The following UGT1A6 variants were observed in gnomAD, a reference collection of about 807,000 sequenced individuals.
UGT1A6 encodes the protein UDP-glucuronosyltransferase 1A6.
A neutral mutation model predicts 44.4 loss-of-function variants in UGT1A6; 32 were observed. That is an observed-to-expected ratio of 0.72 (90% CI 0.54 to 0.97). UGT1A6 has a LOEUF of 0.97. Among genes scored for constraint, UGT1A6 ranks in the 50% least tolerant of loss-of-function variants. The probability of loss-of-function intolerance (pLI) is 0.00; values close to 1 mark genes in which losing one functional copy is unlikely to be tolerated. For missense variants in UGT1A6, 685 were observed against 661.9 expected (o/e 1.03, Z -0.38); for synonymous variants, 238 against 248.5 (o/e 0.96, Z 0.40).
At position 233,743,506 on chromosome 2, in the gene UGT1A6, G is replaced by A. The variant is rs185061073; in HGVS notation, c.862-23528G>A. ...ACTGAAGGCAGAGAAAAGGGGTGCA[G>A]ACGCTCTGCTTCTGCTTCCCCAGCA... On this transcript the variant is annotated intron_variant, in intron 1 of 4. Transcript: ENST00000305139. 5.9e-6 allele frequency: 8 copies of A among 1,367,240 alleles called. No individual in the cohort carries two copies. The Admixed American group carries it at 1.1e-4, about 20-fold the overall frequency. The allele number at this position is 1,367,240 out of a possible 1,614,324, so 84.7% of individuals were successfully genotyped here. A position where few individuals can be genotyped will look rare whatever the true frequency, so the allele number is the denominator to read the frequency against.
At chr2:233,702,416 C>A (rs186724566) in intron 1 of UGT1A6, among the ~76,000 whole-genome samples, 2 of 152,028 alleles carry the variant, frequency 1.3e-5, no homozygotes, top group African/African-American at 4.8e-5. Context: ...ATAGAGATAG[C>A]GTTACTTCTT....
chr2:233,757,331 A>T (rs1696493214), intron 1 of UGT1A6, among the ~76,000 whole-genome samples: 1 of 150,806 alleles, frequency 6.6e-6, no homozygotes, highest in Non-Finnish European at 1.5e-5. Context: ...CTGAAATGGG[A>T]CCATGACAGC....
rs200752387 is a variant in UGT1A6, at chr2:233,752,746, A to AAAACAAAC, written c.862-14269_862-14262dup. On this transcript the variant is annotated intron_variant, in intron 1 of 4. Coordinates refer to ENST00000305139, the MANE Select transcript of UGT1A6 (RefSeq NM_001072.4). ...AGCTACAGAGAGAGACCCTGTCTCT[A>AAAACAAAC]AAACAAACAAACAAACAAACAAACA... Among the ~76,000 whole-genome samples, 41 of 152,308 alleles carry AAAACAAAC rather than the reference A, an allele frequency of 2.7e-4. No individual in the cohort carries two copies. The East Asian group carries it at 7.3e-3, about 27-fold the overall frequency.
chr2:233,710,781 C>T (rs964572704), intron 1 of UGT1A6, among the ~76,000 whole-genome samples: 1 of 152,148 alleles, frequency 6.6e-6, no homozygotes, highest in Non-Finnish European at 1.5e-5. Flanking sequence ...TTTTAGCAAA[C>T]GTTTTGTGTT....
chr2:233,735,402 G>GTC (rs746595831), intron 1 of UGT1A6, among the ~76,000 whole-genome samples: 10 of 152,138 alleles, frequency 6.6e-5, no homozygotes, highest in East Asian at 5.8e-4. Context: ...GCCTATGTGT[G>GTC]TCTCTGCATG....
intron 1 of UGT1A6, among the ~76,000 whole-genome samples, chr2:233,699,366 T>C (rs908833552): frequency 1.3e-5 from 2 of 152,240 alleles, no homozygotes; most frequent in African/African-American, 4.8e-5. Flanking sequence ...CTTATTGGTA[T>C]GGCTAGATTT....
chr2:233,705,657 A>C (rs2075863196), intron 1 of UGT1A6, among the ~76,000 whole-genome samples: 1 of 152,176 alleles, frequency 6.6e-6, no homozygotes, highest in South Asian at 2.1e-4. Context: ...CTTCTCATAA[A>C]TTATAGTTGT....
At position 233,760,622 on chromosome 2, in the gene UGT1A6, C is replaced by G. The variant is rs766978023; in HGVS notation, c.862-6412C>G. The G allele has an allele frequency of 2.5e-6, 4 of 1,614,144 alleles. No individual in the cohort carries two copies. The East Asian group carries it at 8.9e-5, about 36-fold the overall frequency. ...TCTTTCCTGCAGCGTGTGATCAAAA[C>G]ATACAAGAAAATAAAAAAGGACTCT... On this transcript the variant is annotated intron_variant, in intron 1 of 4. Coordinates refer to ENST00000305139, the MANE Select transcript of UGT1A6 (RefSeq NM_001072.4).
At chr2:233,697,092 C>T (rs1373676838) in intron 1 of UGT1A6, among the ~76,000 whole-genome samples, 1 of 151,956 alleles carries the variant, frequency 6.6e-6, no homozygotes, top group Admixed American at 6.6e-5. Context: ...ACTGGTCTCA[C>T]AGGATGAGTT....
chr2:233,743,431 C>G (rs755334550), intron 1 of UGT1A6: 1 of 1,354,434 alleles, frequency 7.4e-7, no homozygotes, highest in East Asian at 4.7e-5. Flanking sequence ...GCCAAAGGAA[C>G]GAAATCCTGT....
intron 1 of UGT1A6, among the ~76,000 whole-genome samples, chr2:233,728,340 T>A (rs2077702192): frequency 6.6e-6 from 1 of 152,202 alleles, no homozygotes; most frequent in African/African-American, 2.4e-5. Flanking sequence ...CCCCAGTCCC[T>A]TGGTGAGCAG....
intron 1 of UGT1A6, among the ~76,000 whole-genome samples, chr2:233,697,907 C>G (rs570529725): frequency 6.6e-6 from 1 of 152,212 alleles, no homozygotes; most frequent in South Asian, 2.1e-4. Flanking sequence ...TCTATTGACT[C>G]CTTCTCCTAG....
Position 233,767,033 on chromosome 2 carries a change from G to A in UGT1A6, c.862-1G>A, listed in dbSNP as rs1285708223. The stretch of plus-strand genomic sequence containing the variant: ...ACTGAAAATTTTTCTTCTGGCTCTA[G>A]GAATTTGAAGCCTACATTAATGCTT... On this transcript the variant is annotated splice_acceptor_variant, in intron 1 of 4. Coordinates refer to ENST00000305139, the MANE Select transcript of UGT1A6 (RefSeq NM_001072.4). LOFTEE classifies it high-confidence loss of function. 3 of 1,614,026 alleles carry A rather than the reference G, an allele frequency of 1.9e-6. No individual in the cohort carries two copies. The highest frequency in any genetic ancestry group is 2.5e-6 in the Non-Finnish European group (3 of 1,180,004).
At chr2:233,748,774 G>A (rs2125894622) in intron 1 of UGT1A6, among the ~76,000 whole-genome samples, 2 of 151,474 alleles carry the variant, frequency 1.3e-5, no homozygotes, top group Middle Eastern at 6.8e-3. Flanking sequence ...AGGTCAATTG[G>A]GTCTTCTACT....
intron 1 of UGT1A6, among the ~76,000 whole-genome samples, chr2:233,701,179 T>C (rs961391364): frequency 6.6e-6 from 1 of 152,222 alleles, no homozygotes; most frequent in African/African-American, 2.4e-5. Context: ...GTTATAAACA[T>C]ACATGTGCAT....
intron 1 of UGT1A6, chr2:233,743,939 C>T: frequency 7.4e-7 from 1 of 1,355,422 alleles, no homozygotes; most frequent in Non-Finnish European, 9.9e-7. Context: ...GAACGGCCCA[C>T]CAGGCACTGG....
Position 233,757,535 on chromosome 2 carries a change from A to AATATATATATATATATATATATAT in UGT1A6, c.862-9496_862-9473dup, listed in dbSNP as rs67292694. On this transcript the variant is annotated intron_variant, in intron 1 of 4. Transcript: ENST00000305139. ...CAAAGCCAAAATCTTGCCTGTAAGG[A>AATATATATATATATATATATATAT]ATATATATATATATATATATATATA... Among the ~76,000 whole-genome samples the AATATATATATATATATATATATAT allele has an allele frequency of 1.4e-3, 127 of 88,238 alleles. 1 individual carries two copies. The highest frequency in any genetic ancestry group is 9.2e-3 in the East Asian group (33 of 3,584). The allele number at this position is 88,238 out of a possible 152,430, so 57.9% of individuals were successfully genotyped here.
intron 1 of UGT1A6, among the ~76,000 whole-genome samples, chr2:233,710,586 G>A (rs947455751): frequency 4.6e-5 from 7 of 152,000 alleles, no homozygotes; most frequent in African/African-American, 1.2e-4. Flanking sequence ...AAAATCTTCC[G>A]CACACCTTTA....
intron 1 of UGT1A6, among the ~76,000 whole-genome samples, chr2:233,750,112 A>G (rs965071088): frequency 7.2e-5 from 11 of 151,944 alleles, no homozygotes; most frequent in Middle Eastern, 3.2e-3. Flanking sequence ...AGAAGAAGAC[A>G]GGAAGATGTG....
Sources: gnomAD v4.1 joint callset for allele counts (sites outside exome capture counted in the v4.1 genomes callset) on GRCh38, gnomAD v4.1.1 for gene constraint, MANE v1.5 for transcripts, NCBI Gene and HGNC (gene_info 2026-07-23, HGNC 2026-07-21) for gene names.